The following STON2 variants were observed in gnomAD, a reference collection of about 807,000 sequenced individuals.
The protein encoded by STON2 is stonin-2.
In STON2, 29 loss-of-function variants were observed where a neutral mutation model predicts 65.7. The ratio of observed to expected loss-of-function variants is 0.44; its 90% CI spans 0.33 to 0.60. STON2 has a LOEUF of 0.60. Among genes scored for constraint, STON2 ranks in the 20% least tolerant of loss-of-function variants. The pLI is 0.03. For missense variants in STON2, 1,054 were observed against 1,118.1 expected (o/e 0.94, Z 0.82); for synonymous variants, 404 against 414.2 (o/e 0.98, Z 0.30).
At chr14:81,395,141 T>C (rs1315389052) in intron 3 of STON2, 2 of 152,182 alleles carry the variant, frequency 1.3e-5, no homozygotes, top group Non-Finnish European at 2.9e-5. Context: ...CCATGAGGAT[T>C]TGGATTCAAG....
chr14:81,307,783 T>G (rs556172201), intron 5 of STON2, among the ~76,000 whole-genome samples: 1 of 152,372 alleles, frequency 6.6e-6, no homozygotes, highest in South Asian at 2.1e-4. Flanking sequence ...TAACATTTTC[T>G]TTTCTCTAGC....
At chr14:81,286,799 T>C (rs750707558) in intron 5 of STON2, among the ~76,000 whole-genome samples, 4 of 152,188 alleles carry the variant, frequency 2.6e-5, no homozygotes, top group Non-Finnish European at 5.9e-5. Flanking sequence ...ATTTCAGAAA[T>C]AGTAAAACTT....
chr14:81,278,560 G>A lies in STON2; in HGVS notation c.922C>T (p.Leu308=), dbSNP rs1259188890. 1 of 1,610,656 alleles carries A rather than the reference G, an allele frequency of 6.2e-7. No homozygotes were observed. Among genetic ancestry groups the A allele is most frequent in the African/African-American group, 1.3e-5 (1 of 74,978 alleles). The part of the protein sequence containing the change: ...SCPLPPVTSP[L]KPNTPPSASV... ...GCACTTGGTGGTGTATTTGGCTTCAGAGGAGAGGTGACTGGTGGTAAAGGG... is the reference window on the plus strand; with the variant it reads ...GCACTTGGTGGTGTATTTGGCTTCAAAGGAGAGGTGACTGGTGGTAAAGGG... The change falls in exon 6 of 8, where the codon CTG becomes TTG. Residue 308 remains leucine, a synonymous_variant. Coordinates refer to ENST00000614646, the MANE Select transcript of STON2 (RefSeq NM_001394390.1).
At chr14:81,280,115 T>A (rs1360330974) in intron 5 of STON2, among the ~76,000 whole-genome samples, 3 of 152,214 alleles carry the variant, frequency 2.0e-5, no homozygotes, top group African/African-American at 7.2e-5. Flanking sequence ...TCTAAAATAT[T>A]TTTCCATCTC....
At chr14:81,335,116 T>C (rs1897325775) in intron 4 of STON2, among the ~76,000 whole-genome samples, 1 of 151,936 alleles carries the variant, frequency 6.6e-6, no homozygotes. Context: ...TCCACCTGCT[T>C]CGGCCTCCCA....
At position 81,264,347 on chromosome 14, in the gene STON2, T is replaced by A; in HGVS notation, c.*4067A>T. 1.0e-6 allele frequency: 1 copy of A among 985,482 alleles called. No individual in the cohort carries two copies. Among genetic ancestry groups the A allele is most frequent in the Non-Finnish European group, 1.2e-6 (1 of 829,938 alleles). 61.0% of individuals were successfully genotyped at this position (985,482 alleles called of 1,614,324 possible). ...ATAAAAGCATGCTTGCTGGCTTTATTATGAGTATTTGATGATAAGTAAGGG... is the reference window on the plus strand; with the variant it reads ...ATAAAAGCATGCTTGCTGGCTTTATAATGAGTATTTGATGATAAGTAAGGG... On this transcript the variant is annotated 3_prime_UTR_variant, in exon 8 of 8. Coordinates refer to ENST00000614646, the MANE Select transcript of STON2 (RefSeq NM_001394390.1).
Position 81,267,164 on chromosome 14 carries a change from C to G in STON2, c.*1250G>C. The G allele has an allele frequency of 1.0e-6, 1 of 985,308 alleles. No individual in the cohort carries two copies. The highest frequency in any genetic ancestry group is 1.2e-6 in the Non-Finnish European group (1 of 829,900). 61.0% of individuals were successfully genotyped at this position (985,308 alleles called of 1,614,324 possible). A position where few individuals can be genotyped will look rare whatever the true frequency, so the allele number is the denominator to read the frequency against. ...AAAACACTAAGATACAAATAAGAAG[C>G]AGAGGTGAGTAGGAACGGATGAAGG... On this transcript the variant is annotated 3_prime_UTR_variant, in exon 8 of 8. Coordinates refer to ENST00000614646, the MANE Select transcript of STON2 (RefSeq NM_001394390.1).
chr14:81,424,252 T>G (rs1901856265), intron 2 of STON2, among the ~76,000 whole-genome samples: 1 of 152,126 alleles, frequency 6.6e-6, no homozygotes, highest in Non-Finnish European at 1.5e-5. Context: ...GAGACCAGCC[T>G]GGCCAACATG....
rs555866375 is a variant in STON2 at position 81,340,105 on chromosome 14, G to C, written c.572-15918C>G. On this transcript the variant is annotated intron_variant, in intron 4 of 7. Transcript: ENST00000614646. The stretch of plus-strand genomic sequence containing the variant: ...GGGGATGGAGCCTGCAGTAAGCCCA[G>C]ATCGCGCCACCGCACTCCAGCCTGG... 3.3e-4 allele frequency among the ~76,000 whole-genome samples: 51 copies of C among 152,352 alleles called. 1 individual carries two copies. Among genetic ancestry groups the C allele is most frequent in the Admixed American group, 3.3e-4 (5 of 15,304 alleles).
At chr14:81,311,678 C>T (rs1461784528) in intron 5 of STON2, among the ~76,000 whole-genome samples, 2 of 152,118 alleles carry the variant, frequency 1.3e-5, no homozygotes, top group African/African-American at 4.8e-5. Flanking sequence ...GGCTTTGCCA[C>T]TGAAAAGAAA....
chr14:81,275,887 G>A (rs994581043), intron 6 of STON2, among the ~76,000 whole-genome samples: 6 of 152,168 alleles, frequency 3.9e-5, no homozygotes, highest in Admixed American at 1.3e-4. Flanking sequence ...ACACTGCTAC[G>A]ATTTATAGTG....
chr14:81,373,923 C>A (rs1249644430), intron 3 of STON2, among the ~76,000 whole-genome samples: 1 of 150,574 alleles, frequency 6.6e-6, no homozygotes, highest in Admixed American at 6.6e-5. Context: ...TGAAAAACCT[C>A]CAAGTTGAGA....
Position 81,265,010 on chromosome 14 carries a change from T to G in STON2, c.*3404A>C, listed in dbSNP as rs1284015234. 2 of 980,904 alleles carry G rather than the reference T, an allele frequency of 2.0e-6. No individual in the cohort carries two copies. Among genetic ancestry groups the G allele is most frequent in the African/African-American group, 3.5e-5 (2 of 57,086 alleles). 60.8% of individuals were successfully genotyped at this position (980,904 alleles called of 1,614,324 possible). On this transcript the variant is annotated 3_prime_UTR_variant, in exon 8 of 8. Transcript: ENST00000614646. ...AATTTATGTTCTAAGAGTAATACTA[T>G]GTACTGGTAAAATGAATTCATTTTT... is the stretch of plus-strand genomic sequence containing the variant.
intron 2 of STON2, among the ~76,000 whole-genome samples, chr14:81,416,076 C>T (rs907934308): frequency 6.6e-5 from 10 of 152,150 alleles, no homozygotes; most frequent in Admixed American, 5.2e-4. Flanking sequence ...ACAAGCTCTT[C>T]GGGCAGCAGG....
Position 81,277,471 on chromosome 14 carries a change from C to G in STON2, c.2011G>C (p.Gly671Arg), listed in dbSNP as rs763336141. The G allele has an allele frequency of 6.2e-7, 1 of 1,614,100 alleles. No homozygotes were observed. Among genetic ancestry groups the G allele is most frequent in the East Asian group, 2.2e-5 (1 of 44,876 alleles). ...FLSGLAECRL[G>R]LNDILVKGNE... ...CCTTTGACGAGGATGTCATTGAGGC[C>G]CAGGCGGCACTCTGCGAGCCCAGAC... Residue 671 changes from glycine (G) to arginine (R), a missense_variant, in exon 6 of 8, where the codon GGC becomes CGC. Transcript: ENST00000614646.
At chr14:81,346,176 A>C (rs1315775656) in intron 4 of STON2, among the ~76,000 whole-genome samples, 2 of 152,148 alleles carry the variant, frequency 1.3e-5, no homozygotes, top group African/African-American at 4.8e-5. Flanking sequence ...ATTAACTCTC[A>C]TTTTTTGGGA....
intron 5 of STON2, among the ~76,000 whole-genome samples, chr14:81,289,929 A>G (rs2140152823): frequency 6.6e-6 from 1 of 152,346 alleles, no homozygotes; most frequent in African/African-American, 2.4e-5. Flanking sequence ...AAGCCAAGCT[A>G]TGCCTTAAAG....
At chr14:81,331,270 CT>C (rs1404873467) in intron 4 of STON2, among the ~76,000 whole-genome samples, 2 of 152,244 alleles carry the variant, frequency 1.3e-5, no homozygotes, top group East Asian at 3.8e-4. Context: ...AAGAAAGAGA[CT>C]TTAGCCCCAT....
chr14:81,309,258 T>C (rs1246272862), intron 5 of STON2, among the ~76,000 whole-genome samples: 2 of 152,070 alleles, frequency 1.3e-5, no homozygotes, highest in South Asian at 4.1e-4. Flanking sequence ...ATTGTTATTA[T>C]TGGCTTTAAA....
Sources: gnomAD v4.1 joint callset for allele counts (sites outside exome capture counted in the v4.1 genomes callset) on GRCh38, gnomAD v4.1.1 for gene constraint, MANE v1.5 for transcripts, NCBI Gene and HGNC (gene_info 2026-07-23, HGNC 2026-07-21) for gene names.